The following CEP63 variants were observed in gnomAD, a reference collection of about 807,000 sequenced individuals.
CEP63 encodes centrosomal protein of 63 kDa.
In CEP63, 84 loss-of-function variants were observed where a neutral mutation model predicts 89.1. The ratio of observed to expected loss-of-function variants is 0.94; its 90% confidence interval spans 0.79 to 1.13. The LOEUF (loss-of-function observed/expected upper bound fraction) is 1.13, where lower values mean the gene tolerates loss of function less well. CEP63 is among the 50% of genes most tolerant of loss of function. The pLI is 0.00. For synonymous variants in CEP63, 267 were observed against 272.5 expected (o/e 0.98, Z 0.20); for missense variants, 838 against 813.3 (o/e 1.03, Z -0.37).
the CEP63 span, among the ~76,000 whole-genome samples, chr3:134,747,677 A>G: frequency 6.6e-6 from 1 of 152,208 alleles, no homozygotes; most frequent in African/African-American, 2.4e-5. Flanking sequence ...ACCTGCAAAC[A>G]AGAGCAACTC....
chr3:134,670,205 A>C, the CEP63 span, among the ~76,000 whole-genome samples: 1 of 152,182 alleles, frequency 6.6e-6, no homozygotes, highest in South Asian at 2.1e-4. Flanking sequence ...TCCAAATCAA[A>C]TATGATTTTT....
At chr3:134,589,801 T>C (rs763308591), downstream of CEP63, among the ~76,000 whole-genome samples, 14 of 152,202 alleles carry the variant, frequency 9.2e-5, no homozygotes, top group Admixed American at 5.2e-4. Context: ...TGCATGCGTA[T>C]GTTCATTATA....
At chr3:134,629,780 A>ACAATTAGT in the CEP63 span, 2,685 of 828,376 alleles carry the variant, frequency 3.2e-3, 46 homozygotes, top group African/African-American at 0.039. Context: ...GAATAAAAAA[A>ACAATTAGT]CAATTAGTTT....
chr3:134,718,237 C>T, the CEP63 span, among the ~76,000 whole-genome samples: 1 of 152,182 alleles, frequency 6.6e-6, no homozygotes, highest in African/African-American at 2.4e-5. Flanking sequence ...CATTCATTCT[C>T]CTGGTTATTA....
At position 134,564,645 on chromosome 3, in the gene CEP63, C is replaced by G; in HGVS notation, c.*3110C>G. ...AAACTGAAATAATATCTAATGGGGT[C>G]GAGAAGATTTACTGAAAATATATAT... is the stretch of plus-strand genomic sequence containing the variant. On this transcript the variant is annotated 3_prime_UTR_variant, in exon 15 of 15. Coordinates refer to ENST00000675561, the MANE Select transcript of CEP63 (RefSeq NM_001353108.3). The G allele has an allele frequency of 1.0e-6, 1 of 985,246 alleles. No homozygotes were observed. Among genetic ancestry groups the G allele is most frequent in the Non-Finnish European group, 1.2e-6 (1 of 829,844 alleles). The allele number at this position is 985,246 out of a possible 1,614,324, so 61.0% of individuals were successfully genotyped here.
At chr3:134,524,522 A>T (rs555245953) in intron 3 of CEP63, among the ~76,000 whole-genome samples, 1 of 152,292 alleles carries the variant, frequency 6.6e-6, no homozygotes, top group East Asian at 1.9e-4. Flanking sequence ...TGGGTTTGTC[A>T]TAGATGGCTC....
At chr3:134,719,137 C>T in the CEP63 span, among the ~76,000 whole-genome samples, 3 of 152,056 alleles carry the variant, frequency 2.0e-5, no homozygotes, top group Non-Finnish European at 4.4e-5. Flanking sequence ...TTGTTTTCAT[C>T]AAGCAGCTTG....
the CEP63 span, among the ~76,000 whole-genome samples, chr3:134,623,513 C>G: frequency 6.6e-5 from 10 of 151,936 alleles, no homozygotes; most frequent in African/African-American, 9.7e-5. Flanking sequence ...GTCCTCACCT[C>G]CTCCCTTCCT....
At position 134,541,061 on chromosome 3, in the gene CEP63, C is replaced by T. The variant is rs139742376; in HGVS notation, c.555+3793C>T. Among the ~76,000 whole-genome samples the T allele has an allele frequency of 5.7e-3, 868 of 152,216 alleles. 2 individuals are homozygous for T. Among genetic ancestry groups the T allele is most frequent in the Non-Finnish European group, 8.1e-3 (549 of 68,002 alleles). ...CCTCCCAAAGTGCTAGGATTACAGG[C>T]GTGAACCATCGCACCTGGCCGGATG... On this transcript the variant is annotated intron_variant, in intron 6 of 14. Transcript: ENST00000675561.
chr3:134,679,702 C>G, the CEP63 span, among the ~76,000 whole-genome samples: 7 of 152,130 alleles, frequency 4.6e-5, no homozygotes, highest in Non-Finnish European at 5.9e-5. Flanking sequence ...AGGGTGGGCT[C>G]TAATCCAACA....
At chr3:134,782,526 T>A in the CEP63 span, among the ~76,000 whole-genome samples, 3 of 152,188 alleles carry the variant, frequency 2.0e-5, no homozygotes, top group Non-Finnish European at 4.4e-5. Context: ...TCCATAACAT[T>A]ATTTAATTTT....
the CEP63 span, among the ~76,000 whole-genome samples, chr3:134,749,428 C>A: frequency 6.6e-6 from 1 of 151,880 alleles, no homozygotes; most frequent in Non-Finnish European, 1.5e-5. Context: ...TTGCTTGCTG[C>A]AATGATTCAG....
At chr3:134,667,162 C>T in the CEP63 span, among the ~76,000 whole-genome samples, 5 of 152,192 alleles carry the variant, frequency 3.3e-5, no homozygotes, top group Admixed American at 6.5e-5. Flanking sequence ...ACCTTCATAC[C>T]GCTGGCCCAG....
At chr3:134,601,755 T>C in the CEP63 span, among the ~76,000 whole-genome samples, 10 of 152,308 alleles carry the variant, frequency 6.6e-5, no homozygotes, top group African/African-American at 2.4e-4. Context: ...TGTTGGATGA[T>C]GGGCACCCTT....
chr3:134,753,206 T>G, the CEP63 span, among the ~76,000 whole-genome samples: 1 of 152,186 alleles, frequency 6.6e-6, no homozygotes, highest in Admixed American at 6.5e-5. Flanking sequence ...CTCTGTATGG[T>G]CTTTCTAAGC....
downstream of CEP63, among the ~76,000 whole-genome samples, chr3:134,566,065 C>T (rs143517454): frequency 1.3e-5 from 2 of 152,138 alleles, no homozygotes; most frequent in East Asian, 3.9e-4. Context: ...TGCTTTAAAC[C>T]AATCTTTTGT....
the CEP63 span, among the ~76,000 whole-genome samples, chr3:134,703,023 C>T: frequency 1.3e-5 from 2 of 152,068 alleles, no homozygotes; most frequent in Admixed American, 6.5e-5. Flanking sequence ...TGGCCGAGTG[C>T]GGTCACTCAT....
intron 2 of CEP63, among the ~76,000 whole-genome samples, chr3:134,500,760 A>G (rs1422343025): frequency 6.6e-6 from 1 of 152,134 alleles, no homozygotes; most frequent in African/African-American, 2.4e-5. Context: ...ATGGTTTGCA[A>G]ATACGTTCTC....
chr3:134,741,021 G>C, the CEP63 span, among the ~76,000 whole-genome samples: 1 of 152,316 alleles, frequency 6.6e-6, no homozygotes, highest in South Asian at 2.1e-4. Context: ...AAGGAAGAAT[G>C]GTGGTGGGAG....
Sources: gnomAD v4.1 joint callset for allele counts (sites outside exome capture counted in the v4.1 genomes callset) on GRCh38, gnomAD v4.1.1 for gene constraint, MANE v1.5 for transcripts, NCBI Gene and HGNC (gene_info 2026-07-23, HGNC 2026-07-21) for gene names.